Variants in DCX observed in about 807,000 individuals in gnomAD.
DCX encodes doublecortin.
A neutral mutation model predicts 20.9 loss-of-function variants in DCX; 4 were observed. The ratio of observed to expected loss-of-function variants is 0.19; its 90% confidence interval spans 0.09 to 0.44. DCX has a LOEUF of 0.44. Among genes scored for constraint, DCX ranks in the 20% least tolerant of loss-of-function variants. The pLI is 0.99. For synonymous variants in DCX, 103 were observed against 111.4 expected (o/e 0.92, Z 0.47); for missense variants, 133 against 296.9 (o/e 0.45, Z 4.06).
chrX:111,329,382 A>C (rs191969055), intron 5 of DCX, among the ~76,000 whole-genome samples: 1 of 111,768 alleles, frequency 8.9e-6, no homozygotes, highest in African/African-American at 3.3e-5. Context: ...TTACTGGAGC[A>C]TCTACTAGGG....
chrX:111,370,375 G>C (rs1410835356), intron 3 of DCX, among the ~76,000 whole-genome samples: 3 of 111,541 alleles, frequency 2.7e-5, no homozygotes, highest in Non-Finnish European at 5.6e-5. Context: ...TCACCTAAAG[G>C]CTTGTCAGAA....
intron 3 of DCX, among the ~76,000 whole-genome samples, chrX:111,382,562 G>A (rs1338913514): frequency 1.8e-5 from 2 of 112,043 alleles, no homozygotes; most frequent in South Asian, 3.7e-4. Flanking sequence ...GCTTTGAATG[G>A]CCTTAAGCAA....
chrX:111,332,114 T>G (rs1445597629), intron 4 of DCX, among the ~76,000 whole-genome samples: 1 of 112,519 alleles, frequency 8.9e-6, no homozygotes, highest in African/African-American at 3.2e-5. Flanking sequence ...TTCTGGTAAA[T>G]TGAATATTTT....
At chrX:111,353,276 T>C (rs1603418378) in intron 3 of DCX, among the ~76,000 whole-genome samples, 1 of 112,059 alleles carries the variant, frequency 8.9e-6, no homozygotes, top group South Asian at 3.8e-4. Flanking sequence ...TTAAACGGTG[T>C]ATGCCTCAGG....
chrX:111,324,938 A>G (rs895702929), intron 5 of DCX, among the ~76,000 whole-genome samples: 6 of 111,578 alleles, frequency 5.4e-5, no homozygotes, highest in African/African-American at 2.0e-4. Context: ...TGGGGTGCTC[A>G]CTGGCACCCA....
At chrX:111,316,390 C>A (rs1221927697) in intron 5 of DCX, among the ~76,000 whole-genome samples, 1 of 110,899 alleles carries the variant, frequency 9.0e-6, no homozygotes, top group Non-Finnish European at 1.9e-5. Flanking sequence ...CACCACCATG[C>A]CCAGCTAATT....
intron 3 of DCX, among the ~76,000 whole-genome samples, chrX:111,356,928 C>T (rs1923780409): frequency 9.0e-6 from 1 of 111,677 alleles, no homozygotes; most frequent in Non-Finnish European, 1.9e-5. Context: ...CTACAAAATA[C>T]ACATAAATAA....
rs1177032245 is a variant in DCX, at chrX:111,296,364, G to T, written c.*5323C>A. 1 of 111,522 alleles carries T rather than the reference G, an allele frequency of 9.0e-6. No homozygotes were observed. Among genetic ancestry groups the T allele is most frequent in the Non-Finnish European group, 1.9e-5 (1 of 53,117 alleles). 9.2% of individuals were successfully genotyped at this position (111,522 alleles called of 1,213,427 possible). ...AGAAAGATGCCTTAATTACCAATTG[G>T]AATTCTATACTCCCCTAGTCTCAGG... On this transcript the variant is annotated 3_prime_UTR_variant, in exon 7 of 7. Coordinates refer to ENST00000636035, the MANE Select transcript of DCX (RefSeq NM_001195553.2).
At chrX:111,357,646 A>ATGGT (rs1935238235) in intron 3 of DCX, among the ~76,000 whole-genome samples, 1 of 109,744 alleles carries the variant, frequency 9.1e-6, no homozygotes, top group Non-Finnish European at 1.9e-5. Context: ...CACGAGCATG[A>ATGGT]TGGTGCATGC....
chrX:111,306,023 G>A (rs1208957005), intron 6 of DCX, among the ~76,000 whole-genome samples: 5 of 111,133 alleles, frequency 4.5e-5, no homozygotes, highest in East Asian at 2.8e-4. Context: ...AGTAATGAAC[G>A]AAAAATGATA....
chrX:111,352,570 T>G (rs1016184423), intron 3 of DCX, among the ~76,000 whole-genome samples: 3 of 112,200 alleles, frequency 2.7e-5, no homozygotes, highest in Non-Finnish European at 5.6e-5. Flanking sequence ...CCTAGACCTC[T>G]GGTTTTTGCA....
At chrX:111,304,277 C>T (rs1479556833) in intron 6 of DCX, among the ~76,000 whole-genome samples, 1 of 112,186 alleles carries the variant, frequency 8.9e-6, no homozygotes, top group Admixed American at 9.5e-5. Flanking sequence ...TGTTCCTCAA[C>T]AAATGCAGTA....
intron 5 of DCX, among the ~76,000 whole-genome samples, chrX:111,326,465 C>G (rs904805714): frequency 1.8e-5 from 2 of 111,795 alleles, no homozygotes; most frequent in Non-Finnish European, 3.8e-5. Context: ...GGCTTACCTT[C>G]GCTCATCAAA....
intron 3 of DCX, among the ~76,000 whole-genome samples, chrX:111,349,213 TCAGA>T (rs1490087258): frequency 1.8e-5 from 2 of 111,803 alleles, no homozygotes; most frequent in African/African-American, 3.3e-5. Flanking sequence ...CTCTTCTAGC[TCAGA>T]CAGTCTATGA....
chrX:111,334,778 C>T (rs1268967303), intron 3 of DCX, among the ~76,000 whole-genome samples: 2 of 111,960 alleles, frequency 1.8e-5, no homozygotes, highest in African/African-American at 6.5e-5. Flanking sequence ...TCATGGAGCT[C>T]ACAGTCTGAT....
chrX:111,379,827 T>C (rs749873114), intron 3 of DCX, among the ~76,000 whole-genome samples: 1 of 111,155 alleles, frequency 9.0e-6, no homozygotes, highest in Non-Finnish European at 1.9e-5. Flanking sequence ...GTGCATGAGG[T>C]TTCTTTCTTT....
intron 2 of DCX, among the ~76,000 whole-genome samples, chrX:111,405,199 A>G (rs958403089): frequency 1.8e-5 from 2 of 112,430 alleles, no homozygotes; most frequent in African/African-American, 6.5e-5. Context: ...GTATCTTCTC[A>G]GTGCAAAAGC....
intron 3 of DCX, among the ~76,000 whole-genome samples, chrX:111,373,332 G>A (rs1402788294): frequency 9.0e-6 from 1 of 111,682 alleles, no homozygotes; most frequent in Non-Finnish European, 1.9e-5. Flanking sequence ...CCCTTCCCTG[G>A]TCCCTGATTC....
intron 5 of DCX, among the ~76,000 whole-genome samples, chrX:111,327,050 T>C (rs1351941121): frequency 2.7e-5 from 3 of 111,885 alleles, no homozygotes; most frequent in African/African-American, 9.7e-5. Flanking sequence ...AAACATTCCT[T>C]AAACTGAACC....
Sources: gnomAD v4.1 joint callset for allele counts (sites outside exome capture counted in the v4.1 genomes callset) on GRCh38, gnomAD v4.1.1 for gene constraint, MANE v1.5 for transcripts, NCBI Gene and HGNC (gene_info 2026-07-23, HGNC 2026-07-21) for gene names.